The following AFAP1L2 variants were observed in gnomAD, a reference collection of about 807,000 sequenced individuals.
AFAP1L2 encodes the protein actin filament-associated protein 1-like 2.
AFAP1L2 carries 46 observed loss-of-function variants against 99.3 expected under a neutral mutation model. The observed-to-expected ratio is 0.46, with a 90% confidence interval of 0.37 to 0.59. The LOEUF (loss-of-function observed/expected upper bound fraction) is 0.59, where lower values mean the gene tolerates loss of function less well. Ranked by LOEUF, AFAP1L2 falls within the 20% of genes least tolerant of loss-of-function variation. AFAP1L2 has a pLI of 0.00. For synonymous variants in AFAP1L2, 397 were observed against 419.1 expected, an observed-to-expected ratio of 0.95 and a Z score of 0.64; for missense variants, 959 against 1,034.9, an observed-to-expected ratio of 0.93 and a Z score of 1.01.
rs757594696 is a variant in AFAP1L2, at chr10:114,315,677, C to T, written c.495G>A (p.Ser165=). The part of the protein sequence containing the change: ...KGKSAPYQWP[S]PEAGIELMRD... ...GCATCAGCTCGATGCCGGCCTCCGG[C>T]GAGGGCCACTGGTAAGGGGCCGACT... Residue 165 remains serine (S), a synonymous_variant, in exon 6 of 19, where the codon TCG becomes TCA. Transcript: ENST00000304129. The T allele has an allele frequency of 1.5e-5, 24 of 1,613,714 alleles. No individual in the cohort carries two copies. Among genetic ancestry groups the T allele is most frequent in the South Asian group, 4.4e-5 (4 of 91,058 alleles).
chr10:114,291,000 G>A (rs1487815329), downstream of AFAP1L2, among the ~76,000 whole-genome samples: 1 of 152,118 alleles, frequency 6.6e-6, no homozygotes, highest in Admixed American at 6.5e-5. Flanking sequence ...AAGTCCAGTC[G>A]GAGCCTTGGT....
At chr10:114,365,372 C>A (rs1185816156) in intron 1 of AFAP1L2, among the ~76,000 whole-genome samples, 1 of 152,136 alleles carries the variant, frequency 6.6e-6, no homozygotes, top group African/African-American at 2.4e-5. Flanking sequence ...AAATGAGGCA[C>A]CAAACTCCCA....
chr10:114,284,518 A>T, the AFAP1L2 span, among the ~76,000 whole-genome samples: 11 of 152,050 alleles, frequency 7.2e-5, no homozygotes, highest in South Asian at 2.3e-3. Context: ...AGAACTTAGA[A>T]GACAGGGCCC....
intron 1 of AFAP1L2, among the ~76,000 whole-genome samples, chr10:114,364,289 A>G (rs1471801542): frequency 1.3e-5 from 2 of 152,192 alleles, no homozygotes; most frequent in Non-Finnish European, 2.9e-5. Context: ...TGACGCAACA[A>G]TGTGCCACAG....
chr10:114,283,122 T>C, the AFAP1L2 span, among the ~76,000 whole-genome samples: 1 of 152,226 alleles, frequency 6.6e-6, no homozygotes, highest in Non-Finnish European at 1.5e-5. Context: ...ATCCCTCACT[T>C]GGGGTGCTAG....
chr10:114,326,056 A>G lies in AFAP1L2; in HGVS notation c.316-2795T>C, dbSNP rs567309071. On this transcript the variant is annotated intron_variant, in intron 4 of 18. Transcript: ENST00000304129. ...TCAGGATTCTCTAGAGTCGAACAGG[A>G]CAAAGGGAGGAGTGAACCCTTCTGC... is the stretch of plus-strand genomic sequence containing the variant. 3.2e-4 allele frequency: 413 copies of G among 1,286,844 alleles called. 6 individuals are homozygous for G. The South Asian group carries it at 4.8e-3, about 15-fold the overall frequency. 79.7% of individuals were successfully genotyped at this position (1,286,844 alleles called of 1,614,324 possible).
At chr10:114,290,835 A>T (rs2039519227), downstream of AFAP1L2, among the ~76,000 whole-genome samples, 1 of 152,182 alleles carries the variant, frequency 6.6e-6, no homozygotes, top group South Asian at 2.1e-4. Context: ...CAGCTAAGTG[A>T]GGACGAGGAG....
downstream of AFAP1L2, chr10:114,289,870 ACCT>A: frequency 3.0e-6 from 1 of 334,338 alleles, no homozygotes; most frequent in Non-Finnish European, 5.6e-6. Context: ...AAATCCAGTG[ACCT>A]CCTCTTCACC....
intron 6 of AFAP1L2, 142 bp from the exon 7 acceptor site, chr10:114,314,192 A>C (rs2043751174): frequency 1.4e-6 from 1 of 722,546 alleles, no homozygotes; most frequent in Non-Finnish European, 2.2e-6. Flanking sequence ...GGACACCCCG[A>C]AGCAGGCCTG....
At chr10:114,348,003 G>A (rs996028410) in intron 1 of AFAP1L2, among the ~76,000 whole-genome samples, 4 of 152,074 alleles carry the variant, frequency 2.6e-5, no homozygotes, top group Admixed American at 6.6e-5. Context: ...GCTGGCAACC[G>A]CAAATCTGCT....
At chr10:114,371,328 T>C (rs1260121942) in intron 1 of AFAP1L2, among the ~76,000 whole-genome samples, 1 of 152,146 alleles carries the variant, frequency 6.6e-6, no homozygotes, top group Non-Finnish European at 1.5e-5. Flanking sequence ...GTCACCATCC[T>C]GGAAAGAAGA....
In AFAP1L2 at chr10:114,323,662, A is replaced by C. The variant is rs1190386895; in HGVS notation, c.316-401T>G. Reference sequence around the variant, plus strand: ...TTTTCTAAAAAGACAAGTGCTAATCAATAGCACAGGGAGAAAGAGGACCAG... The same window carrying C: ...TTTTCTAAAAAGACAAGTGCTAATCCATAGCACAGGGAGAAAGAGGACCAG... On this transcript the variant is annotated intron_variant, in intron 4 of 18. Coordinates refer to ENST00000304129, the MANE Select transcript of AFAP1L2 (RefSeq NM_001001936.3). 2.6e-5 allele frequency among the ~76,000 whole-genome samples: 4 copies of C among 152,222 alleles called. No homozygotes were observed. In the East Asian group the frequency reaches 7.7e-4, roughly 29 times the overall value.
chr10:114,298,629 C>T (rs2040622267), intron 16 of AFAP1L2, among the ~76,000 whole-genome samples: 2 of 152,190 alleles, frequency 1.3e-5, no homozygotes, highest in South Asian at 4.2e-4. Flanking sequence ...GGCAGGTGTC[C>T]CTTGGGCTCA....
At chr10:114,340,832 T>A in intron 1 of AFAP1L2, 101 bp from the exon 2 acceptor site, 1 of 1,540,092 alleles carries the variant, frequency 6.5e-7, no homozygotes, top group Non-Finnish European at 9.0e-7. Context: ...TCGAACCCTC[T>A]GGTCCCAAGA....
chr10:114,404,481 G>A lies in AFAP1L2; in HGVS notation c.-26C>T, dbSNP rs776308362. On this transcript the variant is annotated 5_prime_UTR_variant, in exon 1 of 19. Transcript: ENST00000304129. ...CGGGGCCACGGAGTGCGCTCCTCGC[G>A]GCTCGGCTTCTGCGCTGCTCTCCCG... is the stretch of plus-strand genomic sequence containing the variant. 6.5e-7 allele frequency: 1 copy of A among 1,535,116 alleles called. No homozygotes were observed. The highest frequency in any genetic ancestry group is 1.2e-5 in the South Asian group (1 of 83,666).
At chr10:114,397,466 CAA>C (rs1046587424) in intron 1 of AFAP1L2, among the ~76,000 whole-genome samples, 8 of 152,248 alleles carry the variant, frequency 5.3e-5, no homozygotes, top group African/African-American at 1.7e-4. Flanking sequence ...ACTTTCTTGT[CAA>C]AGAGACAAAA....
At chr10:114,337,977 C>G (rs577551915) in intron 2 of AFAP1L2, among the ~76,000 whole-genome samples, 1 of 152,146 alleles carries the variant, frequency 6.6e-6, no homozygotes, top group Non-Finnish European at 1.5e-5. Flanking sequence ...CCAGCACTCC[C>G]GGCGGCAGGC....
chr10:114,361,919 T>A (rs1281469686), intron 1 of AFAP1L2, among the ~76,000 whole-genome samples: 1 of 152,212 alleles, frequency 6.6e-6, no homozygotes, highest in African/African-American at 2.4e-5. Flanking sequence ...TTTCTGGTAT[T>A]CTTCTGCGAT....
the AFAP1L2 span, chr10:114,286,568 T>C: frequency 6.9e-7 from 1 of 1,443,600 alleles, no homozygotes; most frequent in South Asian, 1.4e-5. Flanking sequence ...CCTTCCTCCT[T>C]TTGGCCACCA....
Sources: allele counts gnomAD v4.1 joint callset (sites outside exome capture counted in the v4.1 genomes callset), GRCh38; gene constraint gnomAD v4.1.1; transcripts MANE v1.5; gene names NCBI Gene and HGNC (gene_info 2026-07-23, HGNC 2026-07-21).